Variants in KAZN observed in about 807,000 individuals in gnomAD.
KAZN encodes the protein kazrin, periplakin interacting protein, also known as kazrin.
A neutral mutation model predicts 87.4 loss-of-function variants in KAZN; 40 were observed. That is an observed-to-expected ratio of 0.46 (90% CI 0.36 to 0.60). The LOEUF (loss-of-function observed/expected upper bound fraction) is 0.60. Ranked by LOEUF, KAZN falls within the 20% of genes least tolerant of loss-of-function variation. The probability of loss-of-function intolerance (pLI) is 0.00; values close to 1 mark genes in which losing one functional copy is unlikely to be tolerated. For missense variants in KAZN, 898 were observed against 1,073.9 expected (o/e 0.84, Z 2.29); for synonymous variants, 466 against 458.3 (o/e 1.02, Z -0.22).
At chr1:14,972,593 G>T (rs562828333) in intron 2 of KAZN, among the ~76,000 whole-genome samples, 77 of 151,184 alleles carry the variant, frequency 5.1e-4, no homozygotes, top group Non-Finnish European at 9.6e-4. Context: ...TCAGCTCACT[G>T]CAACCCTGCC....
intron 1 of KAZN, among the ~76,000 whole-genome samples, chr1:14,823,934 T>C (rs1454898527): frequency 3.3e-5 from 5 of 152,042 alleles, no homozygotes; most frequent in Non-Finnish European, 7.4e-5. Flanking sequence ...GCCAACATGG[T>C]GAAACCCCGT....
intron 1 of KAZN, among the ~76,000 whole-genome samples, chr1:13,905,258 T>G (rs1482124515): frequency 6.6e-6 from 1 of 152,250 alleles, no homozygotes; most frequent in Non-Finnish European, 1.5e-5. Context: ...TTCTGTTGAC[T>G]CATGTCTAAG....
chr1:14,245,591 T>C (rs894899748), intron 2 of KAZN, among the ~76,000 whole-genome samples: 1 of 152,048 alleles, frequency 6.6e-6, no homozygotes, highest in African/African-American at 2.4e-5. Flanking sequence ...TCCAAGTACA[T>C]CTTTGAGATA....
intron 2 of KAZN, among the ~76,000 whole-genome samples, chr1:14,514,387 T>TA (rs1671120794): frequency 0.014 from 168 of 11,648 alleles, 20 homozygotes; most frequent in African/African-American, 0.03. Flanking sequence ...TATATATATA[T>TA]TATATATATT....
chr1:13,989,025 G>T (rs1639156250), intron 1 of KAZN, among the ~76,000 whole-genome samples: 1 of 152,142 alleles, frequency 6.6e-6, no homozygotes, highest in South Asian at 2.1e-4. Context: ...AAGATCAAGG[G>T]TCTGGCATTT....
intron 2 of KAZN, among the ~76,000 whole-genome samples, chr1:14,331,658 T>C (rs1419745332): frequency 1.3e-5 from 2 of 152,118 alleles, no homozygotes; most frequent in African/African-American, 4.8e-5. Context: ...TCATTTTTGT[T>C]CTCTTCTTAA....
At chr1:15,076,948 A>G (rs141603067) in intron 8 of KAZN, among the ~76,000 whole-genome samples, 1,633 of 152,274 alleles carry the variant, frequency 0.011, 19 homozygotes, top group Middle Eastern at 0.017. Flanking sequence ...CAACTACGCC[A>G]CAAACTCAGA....
At chr1:14,876,082 A>G (rs1173752058) in intron 1 of KAZN, among the ~76,000 whole-genome samples, 1 of 152,248 alleles carries the variant, frequency 6.6e-6, no homozygotes, top group Non-Finnish European at 1.5e-5. Context: ...GAAAGCCCAG[A>G]CAAGCCAAGT....
chr1:14,855,166 C>T (rs964886186), intron 1 of KAZN, among the ~76,000 whole-genome samples: 2 of 152,182 alleles, frequency 1.3e-5, no homozygotes, highest in African/African-American at 4.8e-5. Flanking sequence ...CAGCCCGTTT[C>T]CAACCTGCTA....
intron 1 of KAZN, among the ~76,000 whole-genome samples, chr1:14,931,008 G>A (rs182907148): frequency 6.6e-6 from 1 of 152,308 alleles, no homozygotes; most frequent in East Asian, 1.9e-4. Flanking sequence ...AGAGCCCTGA[G>A]AGGGAAACCT....
chr1:14,230,548 T>A (rs1647720457), intron 2 of KAZN, among the ~76,000 whole-genome samples: 1 of 152,196 alleles, frequency 6.6e-6, no homozygotes, highest in South Asian at 2.1e-4. Flanking sequence ...CCAATCCCTG[T>A]GTGTAGTGCT....
chr1:13,943,234 C>A (rs1231253388), intron 1 of KAZN, among the ~76,000 whole-genome samples: 1 of 152,074 alleles, frequency 6.6e-6, no homozygotes, highest in Non-Finnish European at 1.5e-5. Context: ...AAAAGAGCAA[C>A]AAGACAAACA....
chr1:13,964,051 T>C (rs1393392903), intron 1 of KAZN, among the ~76,000 whole-genome samples: 1 of 152,196 alleles, frequency 6.6e-6, no homozygotes, highest in Non-Finnish European at 1.5e-5. Flanking sequence ...TTGCAAGTGC[T>C]CAAATAGTGG....
At chr1:14,366,925 G>T (rs1157808960) in intron 2 of KAZN, among the ~76,000 whole-genome samples, 3 of 152,188 alleles carry the variant, frequency 2.0e-5, no homozygotes, top group Non-Finnish European at 4.4e-5. Context: ...GAATGCAGAG[G>T]ATCTTATTGC....
At chr1:14,603,607 A>G (rs938020975) in intron 1 of KAZN, among the ~76,000 whole-genome samples, 3 of 152,114 alleles carry the variant, frequency 2.0e-5, no homozygotes, top group Non-Finnish European at 4.4e-5. Flanking sequence ...TGTGCACTTC[A>G]TGATTTTTAG....
intron 1 of KAZN, among the ~76,000 whole-genome samples, chr1:14,948,302 G>A (rs1030917953): frequency 6.6e-6 from 1 of 152,120 alleles, no homozygotes; most frequent in African/African-American, 2.4e-5. Context: ...TCAACTATTC[G>A]GATATTATCT....
At chr1:13,964,968 G>A (rs1039057037) in intron 1 of KAZN, among the ~76,000 whole-genome samples, 4 of 150,846 alleles carry the variant, frequency 2.7e-5, no homozygotes, top group Non-Finnish European at 5.9e-5. Context: ...TAGATAAGAG[G>A]GTGCCAGGTG....
chr1:14,562,864 G>A (rs1374370739), intron 2 of KAZN, among the ~76,000 whole-genome samples: 3 of 152,222 alleles, frequency 2.0e-5, no homozygotes, highest in African/African-American at 7.2e-5. Context: ...GCAGGAGAAG[G>A]CTGTTTTAAT....
intron 2 of KAZN, among the ~76,000 whole-genome samples, chr1:14,544,580 G>T (rs74057816): frequency 6.6e-6 from 1 of 151,670 alleles, no homozygotes; most frequent in African/African-American, 2.4e-5. Context: ...GTTAAAGGAG[G>T]CCCTATTTTA....
Sources: gnomAD v4.1 joint callset for allele counts (sites outside exome capture counted in the v4.1 genomes callset) on GRCh38, gnomAD v4.1.1 for gene constraint, MANE v1.5 for transcripts, NCBI Gene and HGNC (gene_info 2026-07-23, HGNC 2026-07-21) for gene names.